The following GABRB3 variants were observed in gnomAD, a reference collection of about 807,000 sequenced individuals.
GABRB3 encodes gamma-aminobutyric acid receptor subunit beta-3.
A neutral mutation model predicts 52.1 loss-of-function variants in GABRB3; 14 were observed. The ratio of observed to expected loss-of-function variants is 0.27; its 90% CI spans 0.18 to 0.42. GABRB3 has a LOEUF of 0.42. Ranked by LOEUF, GABRB3 falls within the 10% of genes least tolerant of loss-of-function variation. GABRB3 has a pLI of 1.00. For synonymous variants in GABRB3, 260 were observed against 232.3 expected, an observed-to-expected ratio of 1.12 and a Z score of -1.08; for missense variants, 307 against 609.1, an observed-to-expected ratio of 0.50 and a Z score of 5.22.
At chr15:26,600,503 A>G (rs1380675518) in intron 4 of GABRB3, among the ~76,000 whole-genome samples, 1 of 152,208 alleles carries the variant, frequency 6.6e-6, no homozygotes, top group Non-Finnish European at 1.5e-5. Context: ...CATATCGCAT[A>G]TAAGAGGTGC....
chr15:26,709,247 G>T (rs980097691), intron 3 of GABRB3, among the ~76,000 whole-genome samples: 1 of 152,166 alleles, frequency 6.6e-6, no homozygotes, highest in Non-Finnish European at 1.5e-5. Context: ...GGGTCATGCG[G>T]GTGGAGACCT....
At position 26,758,928 on chromosome 15, in the gene GABRB3, C is replaced by T. The variant is rs569191340; in HGVS notation, c.240+13474G>A. Among the ~76,000 whole-genome samples the T allele has an allele frequency of 2.0e-5, 3 of 152,284 alleles. No individual in the cohort carries two copies. The East Asian group carries it at 5.8e-4, about 29-fold the overall frequency. On this transcript the variant is annotated intron_variant, in intron 3 of 8. Transcript: ENST00000311550. ...CACTAAATCCATTACCAACAGGATT[C>T]CATCTACAGCGGAAAAACCTAAGTT...
At chr15:26,583,727 A>G (rs938785504) in intron 4 of GABRB3, among the ~76,000 whole-genome samples, 2 of 151,940 alleles carry the variant, frequency 1.3e-5, no homozygotes, top group Admixed American at 6.6e-5. Context: ...AAATATATAT[A>G]CACTGTGAAA....
rs1013978784 is a variant in GABRB3 at position 26,586,242 on chromosome 15, C to T, written c.462-2828G>A. The stretch of plus-strand genomic sequence containing the variant: ...TCTCGATCTCCTGACCCCGATCCAC[C>T]CGCCTTGGTCTCCTAAAGTGCTGGG... On this transcript the variant is annotated intron_variant, in intron 4 of 8. Coordinates refer to ENST00000311550, the MANE Select transcript of GABRB3 (RefSeq NM_000814.6). Among the ~76,000 whole-genome samples, 5 of 152,016 alleles carry T rather than the reference C, an allele frequency of 3.3e-5. No individual in the cohort carries two copies. The East Asian group carries it at 9.7e-4, about 29-fold the overall frequency.
chr15:26,758,967 T>C lies in GABRB3; in HGVS notation c.240+13435A>G, dbSNP rs578190668. On this transcript the variant is annotated intron_variant, in intron 3 of 8. Coordinates refer to ENST00000311550, the MANE Select transcript of GABRB3 (RefSeq NM_000814.6). ...AAAACCTAAGTTAAACAGTTGGAAA[T>C]TGTTTGTGGGGGTCACTGGCTACTT... 2.0e-5 allele frequency among the ~76,000 whole-genome samples: 3 copies of C among 152,212 alleles called. No homozygotes were observed. In the South Asian group the frequency reaches 6.2e-4, roughly 32 times the overall value.
At chr15:26,709,495 C>T (rs1023148882) in intron 3 of GABRB3, among the ~76,000 whole-genome samples, 14 of 148,094 alleles carry the variant, frequency 9.5e-5, no homozygotes, top group Non-Finnish European at 1.8e-4. Flanking sequence ...CCACGTAAAC[C>T]TCTTTTCTTT....
chr15:26,551,235 A>G (rs1889450268), intron 8 of GABRB3, among the ~76,000 whole-genome samples: 1 of 152,222 alleles, frequency 6.6e-6, no homozygotes, highest in Admixed American at 6.5e-5. Context: ...AAACAGGAAG[A>G]AGAGTACTTT....
chr15:26,589,908 T>C (rs1024221550), intron 4 of GABRB3, among the ~76,000 whole-genome samples: 1 of 152,092 alleles, frequency 6.6e-6, no homozygotes, highest in Non-Finnish European at 1.5e-5. Flanking sequence ...GAGAAGGAGT[T>C]GGTTTAGTCC....
chr15:26,613,126 A>T (rs1892131440), intron 4 of GABRB3: 1 of 152,686 alleles, frequency 6.5e-6, no homozygotes, highest in African/African-American at 2.4e-5. Flanking sequence ...CAAAAGAAAC[A>T]AACAGGCTGG....
At chr15:26,688,891 G>A (rs1321053451) in intron 3 of GABRB3, among the ~76,000 whole-genome samples, 1 of 152,180 alleles carries the variant, frequency 6.6e-6, no homozygotes, top group Admixed American at 6.5e-5. Context: ...GCACAAATCT[G>A]TAATAAAACT....
At chr15:26,755,371 A>G (rs1890633940) in intron 3 of GABRB3, among the ~76,000 whole-genome samples, 1 of 152,150 alleles carries the variant, frequency 6.6e-6, no homozygotes, top group Non-Finnish European at 1.5e-5. Context: ...TTTCTTGTGT[A>G]AGATTTACTG....
At chr15:26,712,988 C>A (rs900411358) in intron 3 of GABRB3, among the ~76,000 whole-genome samples, 1 of 152,186 alleles carries the variant, frequency 6.6e-6, no homozygotes, top group Non-Finnish European at 1.5e-5. Flanking sequence ...GACGGAGGGG[C>A]GAGGTTGCTG....
At chr15:26,713,776 T>C (rs1481888633) in intron 3 of GABRB3, among the ~76,000 whole-genome samples, 1 of 152,204 alleles carries the variant, frequency 6.6e-6, no homozygotes, top group African/African-American at 2.4e-5. Context: ...TGAGCATTCA[T>C]CAGGCAGCAC....
At chr15:26,743,386 A>C (rs1890260586) in intron 3 of GABRB3, among the ~76,000 whole-genome samples, 1 of 152,188 alleles carries the variant, frequency 6.6e-6, no homozygotes, top group African/African-American at 2.4e-5. Flanking sequence ...CGAAGGCTAC[A>C]TGCCTTGGAG....
In GABRB3 at chr15:26,547,354, T is replaced by A. The variant is rs1889292071; in HGVS notation, c.*439A>T. 1 of 411,018 alleles carries A rather than the reference T, an allele frequency of 2.4e-6. No homozygotes were observed. Among genetic ancestry groups the A allele is most frequent in the Non-Finnish European group, 4.3e-6 (1 of 233,242 alleles). The allele number at this position is 411,018 out of a possible 1,614,324, so 25.5% of individuals were successfully genotyped here. ...AGATTAACTAAGAATGTCTTTCTGATTTTTAAACTAAAACATCTAACTTAT... is the reference window on the plus strand; with the variant it reads ...AGATTAACTAAGAATGTCTTTCTGAATTTTAAACTAAAACATCTAACTTAT... On this transcript the variant is annotated 3_prime_UTR_variant, in exon 9 of 9. Transcript: ENST00000311550.
intron 4 of GABRB3, among the ~76,000 whole-genome samples, chr15:26,616,250 G>A (rs73368354): frequency 0.023 from 3,438 of 152,262 alleles, 149 homozygotes; most frequent in African/African-American, 0.078. Context: ...CAAAAGTCAC[G>A]TGTAAAATAT....
At chr15:26,642,665 G>A (rs578099739) in intron 3 of GABRB3, 31 of 414,216 alleles carry the variant, frequency 7.5e-5, no homozygotes, top group Non-Finnish European at 1.2e-4. Context: ...GTACCCCCCC[G>A]CACACACACA....
intron 8 of GABRB3, among the ~76,000 whole-genome samples, chr15:26,560,512 T>C (rs1046435881): frequency 6.6e-6 from 1 of 152,154 alleles, no homozygotes; most frequent in Non-Finnish European, 1.5e-5. Flanking sequence ...AGGGGCTTAC[T>C]GGTGAGAGGA....
chr15:26,699,221 G>C (rs893609673), intron 3 of GABRB3, among the ~76,000 whole-genome samples: 2 of 152,006 alleles, frequency 1.3e-5, no homozygotes, highest in African/African-American at 4.8e-5. Flanking sequence ...GTACACAGAA[G>C]GTCTTGCCTC....
Sources: allele counts gnomAD v4.1 joint callset (sites outside exome capture counted in the v4.1 genomes callset), GRCh38; gene constraint gnomAD v4.1.1; transcripts MANE v1.5; gene names NCBI Gene and HGNC (gene_info 2026-07-23, HGNC 2026-07-21).